RAP1A: variants seen among roughly 807,000 people sequenced by gnomAD.
RAP1A encodes RAP1A, member of RAS oncogene family.
RAP1A carries 6 observed loss-of-function variants against 26.4 expected under a neutral mutation model. The observed-to-expected ratio is 0.23, with a 90% CI of 0.12 to 0.45. The LOEUF (loss-of-function observed/expected upper bound fraction) is 0.45. Ranked by LOEUF, RAP1A falls within the 20% of genes least tolerant of loss-of-function variation. RAP1A has a pLI of 0.99. For missense variants in RAP1A, 121 were observed against 217.2 expected, an observed-to-expected ratio of 0.56 and a Z score of 2.78; for synonymous variants, 73 against 79.4, an observed-to-expected ratio of 0.92 and a Z score of 0.43.
intron 1 of RAP1A, among the ~76,000 whole-genome samples, chr1:111,551,129 A>T (rs1405455107): frequency 6.6e-6 from 1 of 152,128 alleles, no homozygotes; most frequent in Non-Finnish European, 1.5e-5. Context: ...TTGTGTCTTT[A>T]AATCTAAAGG....
At chr1:111,568,074 TGTTTA>T (rs2101053677) in intron 1 of RAP1A, among the ~76,000 whole-genome samples, 1 of 152,320 alleles carries the variant, frequency 6.6e-6, no homozygotes, top group East Asian at 1.9e-4. Context: ...GCAAGAATGA[TGTTTA>T]GTGTCCTTTT....
chr1:111,697,673 C>T (rs1023673291), intron 4 of RAP1A, among the ~76,000 whole-genome samples, 176 bp downstream of exon 4: 21 of 152,076 alleles, frequency 1.4e-4, no homozygotes, highest in Admixed American at 7.9e-4. Flanking sequence ...AGTTCATGCT[C>T]ACATATCACA....
At chr1:111,550,882 A>G (rs1657229032) in intron 1 of RAP1A, among the ~76,000 whole-genome samples, 1 of 151,344 alleles carries the variant, frequency 6.6e-6, no homozygotes, top group Non-Finnish European at 1.5e-5. Context: ...GGCCTGTCTT[A>G]TAGTTTAACC....
chr1:111,708,049 G>A (rs1259314354), intron 6 of RAP1A, among the ~76,000 whole-genome samples: 2 of 152,096 alleles, frequency 1.3e-5, no homozygotes, highest in South Asian at 2.1e-4. Flanking sequence ...CGTGGTGCAC[G>A]CTGTAGCTCC....
chr1:111,646,396 A>AT (rs1192971372), intron 1 of RAP1A, among the ~76,000 whole-genome samples: 7 of 148,728 alleles, frequency 4.7e-5, no homozygotes, highest in African/African-American at 1.8e-4. Context: ...CTGTCTTTAA[A>AT]TTCTCTGTCA....
chr1:111,570,216 G>T (rs1658019527), intron 1 of RAP1A, among the ~76,000 whole-genome samples: 1 of 152,130 alleles, frequency 6.6e-6, no homozygotes, highest in African/African-American at 2.4e-5. Context: ...AGCCTCAGAG[G>T]CCACGTAAGA....
At chr1:111,612,138 G>T (rs1199201820) in intron 1 of RAP1A, among the ~76,000 whole-genome samples, 2 of 151,918 alleles carry the variant, frequency 1.3e-5, no homozygotes, top group Non-Finnish European at 2.9e-5. Context: ...CTCCCTGATA[G>T]TGAAGCTAAG....
intron 5 of RAP1A, among the ~76,000 whole-genome samples, chr1:111,703,885 A>G (rs1300376470): frequency 1.3e-5 from 2 of 152,084 alleles, no homozygotes; most frequent in Non-Finnish European, 2.9e-5. Context: ...ATCACAGTCT[A>G]CCTCCCGGGC....
At chr1:111,579,934 T>C (rs1016972067) in intron 1 of RAP1A, among the ~76,000 whole-genome samples, 2 of 152,018 alleles carry the variant, frequency 1.3e-5, no homozygotes, top group Non-Finnish European at 2.9e-5. Context: ...GGATTACAAG[T>C]GCACATCACC....
chr1:111,587,282 C>T (rs1658388306), intron 1 of RAP1A, among the ~76,000 whole-genome samples: 2 of 151,986 alleles, frequency 1.3e-5, no homozygotes, highest in African/African-American at 4.8e-5. Flanking sequence ...TCTTTTTTTC[C>T]TTAAACCCTC....
chr1:111,566,959 A>C (rs550364422), intron 1 of RAP1A, among the ~76,000 whole-genome samples: 1 of 151,690 alleles, frequency 6.6e-6, no homozygotes, highest in Admixed American at 6.6e-5. Flanking sequence ...GTAGGTTCTC[A>C]TGCAAATGAG....
intron 1 of RAP1A, among the ~76,000 whole-genome samples, chr1:111,573,961 T>C (rs1187132897): frequency 1.3e-5 from 2 of 152,230 alleles, no homozygotes; most frequent in South Asian, 2.1e-4. Context: ...TTTAGTTTAA[T>C]TAAATACCAT....
intron 1 of RAP1A, among the ~76,000 whole-genome samples, chr1:111,571,505 G>C (rs1658048407): frequency 6.6e-6 from 1 of 152,294 alleles, no homozygotes; most frequent in Non-Finnish European, 1.5e-5. Context: ...GGTTAAAGGG[G>C]TTCCTTGTGA....
chr1:111,693,776 C>T (rs1661746150), intron 2 of RAP1A, among the ~76,000 whole-genome samples: 1 of 152,060 alleles, frequency 6.6e-6, no homozygotes, highest in Non-Finnish European at 1.5e-5. Flanking sequence ...AAGAGTACCT[C>T]TTAGAATACA....
chr1:111,655,542 C>T (rs1660427271), intron 1 of RAP1A, among the ~76,000 whole-genome samples: 1 of 150,846 alleles, frequency 6.6e-6, no homozygotes, highest in Non-Finnish European at 1.5e-5. Flanking sequence ...TAAATAGGAA[C>T]ATTTATGTTG....
chr1:111,633,505 A>G (rs1025430139), intron 1 of RAP1A, among the ~76,000 whole-genome samples: 2 of 152,180 alleles, frequency 1.3e-5, no homozygotes, highest in Non-Finnish European at 2.9e-5. Flanking sequence ...CTTTATTTGC[A>G]TGTTTAGATT....
In RAP1A at chr1:111,704,326, T is replaced by G. The variant is rs1557899074; in HGVS notation, c.325-17T>G. 2 of 1,610,722 alleles carry G rather than the reference T, an allele frequency of 1.2e-6. No homozygotes were observed. The highest frequency in any genetic ancestry group is 8.5e-7 in the Non-Finnish European group (1 of 1,178,078). Reference sequence around the variant, plus strand: ...TGAGTATGTTATTGTTCATTTTACGTTTTTTTCTTCCCACAGGTTCCAATG... The same window carrying G: ...TGAGTATGTTATTGTTCATTTTACGGTTTTTTCTTCCCACAGGTTCCAATG... On this transcript the variant is annotated splice_polypyrimidine_tract_variant and intron_variant, in intron 5 of 7. Coordinates refer to ENST00000369709, the MANE Select transcript of RAP1A (RefSeq NM_002884.4).
chr1:111,594,602 A>AAGGT (rs1330902049), intron 1 of RAP1A, among the ~76,000 whole-genome samples: 1 of 151,516 alleles, frequency 6.6e-6, no homozygotes, highest in Non-Finnish European at 1.5e-5. Flanking sequence ...GGGAGGAAGG[A>AAGGT]AGCAAGGAGA....
At chr1:111,558,817 T>C (rs1031354000) in intron 1 of RAP1A, among the ~76,000 whole-genome samples, 3 of 152,192 alleles carry the variant, frequency 2.0e-5, no homozygotes, top group Non-Finnish European at 2.9e-5. Context: ...GATTCTAGCA[T>C]ACCTCTTTCA....
Sources: allele counts gnomAD v4.1 joint callset (sites outside exome capture counted in the v4.1 genomes callset), GRCh38; gene constraint gnomAD v4.1.1; transcripts MANE v1.5; gene names NCBI Gene and HGNC (gene_info 2026-07-23, HGNC 2026-07-21).